ADCY2: variants seen among roughly 807,000 people sequenced by gnomAD.
ADCY2 encodes the protein adenylate cyclase type 2.
ADCY2 carries 31 observed loss-of-function variants against 125.2 expected under a neutral mutation model. That is an observed-to-expected ratio of 0.25 (90% CI 0.19 to 0.33). The LOEUF (loss-of-function observed/expected upper bound fraction) is 0.33. ADCY2 is among the 10% of genes least tolerant of loss of function. The pLI is 1.00. For missense variants in ADCY2, 904 were observed against 1,418.2 expected (o/e 0.64, Z 5.82); for synonymous variants, 512 against 548.4 (o/e 0.93, Z 0.93).
intron 4 of ADCY2, among the ~76,000 whole-genome samples, chr5:7,685,563 TAGTAAG>T (rs1232186634): frequency 2.0e-5 from 3 of 152,212 alleles, no homozygotes; most frequent in Admixed American, 6.5e-5. Flanking sequence ...ATCTTTCAAA[TAGTAAG>T]AGTAAGAGTT....
chr5:7,809,002 G>A (rs1744848504), intron 22 of ADCY2, among the ~76,000 whole-genome samples: 1 of 152,022 alleles, frequency 6.6e-6, no homozygotes, highest in Non-Finnish European at 1.5e-5. Flanking sequence ...CTGCACTTCT[G>A]TTACCTTACG....
At chr5:7,497,736 G>A (rs1251925121) in intron 2 of ADCY2, among the ~76,000 whole-genome samples, 6 of 147,890 alleles carry the variant, frequency 4.1e-5, no homozygotes, top group South Asian at 4.2e-4. Flanking sequence ...AAATTGCACC[G>A]AAAAAAAAAA....
intron 4 of ADCY2, chr5:7,685,418 G>T (rs1740486979): frequency 6.6e-6 from 1 of 152,242 alleles, no homozygotes. Flanking sequence ...CGATTTGGTT[G>T]AGGTGGCAGA....
At chr5:7,410,847 A>G (rs950610992) in intron 1 of ADCY2, among the ~76,000 whole-genome samples, 1 of 152,074 alleles carries the variant, frequency 6.6e-6, no homozygotes, top group African/African-American at 2.4e-5. Context: ...TCTGTTTTAT[A>G]TTCTAATGTT....
chr5:7,551,766 T>C (rs1405654733), intron 3 of ADCY2, among the ~76,000 whole-genome samples: 2 of 152,170 alleles, frequency 1.3e-5, no homozygotes, highest in African/African-American at 4.8e-5. Flanking sequence ...CCATAGATCT[T>C]TTTTATCACA....
intron 2 of ADCY2, among the ~76,000 whole-genome samples, chr5:7,513,335 T>G (rs374491871): frequency 2.6e-5 from 4 of 152,208 alleles, no homozygotes; most frequent in African/African-American, 9.6e-5. Flanking sequence ...AACTTGTGAC[T>G]CAGAGTAATC....
intron 14 of ADCY2, among the ~76,000 whole-genome samples, chr5:7,736,952 G>A (rs1742267458): frequency 6.6e-6 from 1 of 151,918 alleles, no homozygotes; most frequent in African/African-American, 2.4e-5. Context: ...CATAACCCAA[G>A]GAATATATAC....
intron 3 of ADCY2, among the ~76,000 whole-genome samples, chr5:7,617,971 A>T (rs1737820785): frequency 6.6e-6 from 1 of 152,218 alleles, no homozygotes; most frequent in African/African-American, 2.4e-5. Flanking sequence ...TTATAATTAC[A>T]TTATGACTTT....
chr5:7,440,849 A>T (rs905391661), intron 2 of ADCY2, among the ~76,000 whole-genome samples: 4 of 152,196 alleles, frequency 2.6e-5, no homozygotes, highest in Non-Finnish European at 4.4e-5. Flanking sequence ...AGTTGAGCAG[A>T]AGAGGCAGTC....
chr5:7,766,803 C>G lies in ADCY2; in HGVS notation c.2211C>G (p.Leu737=). Residue 737 remains leucine, a synonymous_variant, in exon 17 of 25, where the codon CTC becomes CTG. Transcript: ENST00000338316. ...AILRAQNLFF[L]PYFIYSCILG... Reference sequence around the variant, plus strand: ...TGCGTGCGCAGAATTTATTTTTCCTCCCGGTAAGAACATTGCAATTATGAC... The same window carrying G: ...TGCGTGCGCAGAATTTATTTTTCCTGCCGGTAAGAACATTGCAATTATGAC... 1 of 1,610,656 alleles carries G rather than the reference C, an allele frequency of 6.2e-7. No individual in the cohort carries two copies. The highest frequency in any genetic ancestry group is 1.3e-5 in the African/African-American group (1 of 74,722).
chr5:7,772,789 C>G (rs1333398584), intron 17 of ADCY2, 143 bp from the exon 18 acceptor site: 1 of 685,778 alleles, frequency 1.5e-6, no homozygotes, highest in East Asian at 2.8e-5. Flanking sequence ...ACCACTGGAT[C>G]AAAGATGAGA....
intron 19 of ADCY2, among the ~76,000 whole-genome samples, chr5:7,786,578 A>T (rs1002859496): frequency 6.6e-6 from 1 of 152,228 alleles, no homozygotes; most frequent in Non-Finnish European, 1.5e-5. Flanking sequence ...TGATGAAAAC[A>T]TAACACATCT....
intron 20 of ADCY2, among the ~76,000 whole-genome samples, chr5:7,792,084 G>T (rs1439920298): frequency 6.6e-6 from 1 of 151,944 alleles, no homozygotes; most frequent in Non-Finnish European, 1.5e-5. Context: ...GGAGATAAGG[G>T]AGCTGAGGCC....
At chr5:7,786,439 T>C (rs768517673) in intron 19 of ADCY2, among the ~76,000 whole-genome samples, 21 of 152,252 alleles carry the variant, frequency 1.4e-4, no homozygotes, top group Non-Finnish European at 2.5e-4. Flanking sequence ...TGATAGTATA[T>C]GCATTTTGCA....
intron 2 of ADCY2, among the ~76,000 whole-genome samples, chr5:7,437,988 G>T (rs1740870305): frequency 6.6e-6 from 1 of 152,174 alleles, no homozygotes; most frequent in Non-Finnish European, 1.5e-5. Context: ...TAAACCCTGT[G>T]CAATGATCAT....
At chr5:7,768,607 A>G (rs1434005326) in intron 17 of ADCY2, among the ~76,000 whole-genome samples, 1 of 152,230 alleles carries the variant, frequency 6.6e-6, no homozygotes, top group East Asian at 1.9e-4. Flanking sequence ...CACACTTGGC[A>G]TCACTAAAAG....
At chr5:7,467,897 A>G (rs1218736193) in intron 2 of ADCY2, among the ~76,000 whole-genome samples, 1 of 152,228 alleles carries the variant, frequency 6.6e-6, no homozygotes, top group African/African-American at 2.4e-5. Context: ...AGAGAAGTCC[A>G]GGTAAGAATG....
chr5:7,667,460 CTG>C (rs1739795902), intron 4 of ADCY2, among the ~76,000 whole-genome samples: 1 of 152,164 alleles, frequency 6.6e-6, no homozygotes, highest in South Asian at 2.1e-4. Flanking sequence ...TTTTGAGTAA[CTG>C]TTTCTCAGTA....
chr5:7,540,614 T>C (rs1028816807), intron 3 of ADCY2, among the ~76,000 whole-genome samples: 12 of 152,318 alleles, frequency 7.9e-5, no homozygotes, highest in Non-Finnish European at 1.3e-4. Flanking sequence ...TGCAGGGGAC[T>C]GTTAAATATT....
Sources: allele counts gnomAD v4.1 joint callset (sites outside exome capture counted in the v4.1 genomes callset), GRCh38; gene constraint gnomAD v4.1.1; transcripts MANE v1.5; gene names NCBI Gene and HGNC (gene_info 2026-07-23, HGNC 2026-07-21).